The following EDRF1 variants were observed in gnomAD, a reference collection of about 807,000 sequenced individuals.
EDRF1 encodes erythroid differentiation regulatory factor 1, also known as erythroid differentiation-related factor 1.
Under a neutral mutation model 148.7 loss-of-function variants are expected in EDRF1, and 69 were observed. The observed-to-expected ratio is 0.46, with a 90% CI of 0.38 to 0.57. The LOEUF is 0.57. Ranked by LOEUF, EDRF1 falls within the 20% of genes least tolerant of loss-of-function variation. The pLI is 0.00. For missense variants in EDRF1, 1,118 were observed against 1,478.7 expected, an observed-to-expected ratio of 0.76 and a Z score of 4.00; for synonymous variants, 515 against 532.8, an observed-to-expected ratio of 0.97 and a Z score of 0.46.
At chr10:125,761,481 G>T (rs1850193081) in intron 24 of EDRF1, among the ~76,000 whole-genome samples, 1 of 152,242 alleles carries the variant, frequency 6.6e-6, no homozygotes, top group African/African-American at 2.4e-5. Context: ...GGAGCTCTCT[G>T]CTGCAGTGCT....
chr10:125,743,686 G>C (rs1156601716), intron 18 of EDRF1, among the ~76,000 whole-genome samples: 1 of 152,212 alleles, frequency 6.6e-6, no homozygotes, highest in East Asian at 1.9e-4. Context: ...CATTTATGGA[G>C]GTTATAAGTT....
intron 15 of EDRF1, 132 bp downstream of exon 15, chr10:125,738,577 A>G (rs1848852644): frequency 9.5e-7 from 1 of 1,051,936 alleles, no homozygotes; most frequent in Non-Finnish European, 1.4e-6. Flanking sequence ...AACTGGAATT[A>G]GGGGTAGTAT....
rs573086633 is a variant in EDRF1 at position 125,738,098 on chromosome 10, A to G, written c.1830+109A>G. On this transcript the variant is annotated intron_variant, in intron 14 of 24. Coordinates refer to ENST00000356792, the MANE Select transcript of EDRF1 (RefSeq NM_001202438.2). ...TTATTCTGAATTGTGTTCTGCTGCG[A>G]TTTTTTTTTCCTTAAGCATAAAGTG... 1.8e-5 allele frequency: 24 copies of G among 1,349,102 alleles called. No homozygotes were observed. In the East Asian group the frequency reaches 4.2e-4, roughly 23 times the overall value. The allele number at this position is 1,349,102 out of a possible 1,614,324, so 83.6% of individuals were successfully genotyped here. A position where few individuals can be genotyped will look rare whatever the true frequency, so the allele number is the denominator to read the frequency against.
intron 8 of EDRF1, among the ~76,000 whole-genome samples, chr10:125,729,756 T>C (rs1848415836): frequency 6.6e-6 from 1 of 152,242 alleles, no homozygotes; most frequent in African/African-American, 2.4e-5. Context: ...AAGGCAGGCC[T>C]ATAGCTGAGT....
chr10:125,729,561 G>T (rs989480084), intron 8 of EDRF1, 82 bp downstream of exon 8: 2 of 1,565,034 alleles, frequency 1.3e-6, no homozygotes, highest in Non-Finnish European at 1.8e-6. Flanking sequence ...GACTGAGGTT[G>T]CAGTGAGCCA....
At chr10:125,729,635 G>A (rs896944095) in intron 8 of EDRF1, among the ~76,000 whole-genome samples, 156 bp downstream of exon 8, 1 of 152,316 alleles carries the variant, frequency 6.6e-6, no homozygotes, top group East Asian at 1.9e-4. Context: ...AAGAATCAGT[G>A]TTCCATCTAT....
intron 18 of EDRF1, 75 bp from the exon 19 acceptor site, chr10:125,745,632 A>G: frequency 1.4e-6 from 2 of 1,480,768 alleles, no homozygotes; most frequent in Non-Finnish European, 1.9e-6. Flanking sequence ...TCCTCCTCTT[A>G]TCTCATCAAG....
At chr10:125,762,939 C>T (rs567781285) in intron 24 of EDRF1, among the ~76,000 whole-genome samples, 1 of 152,178 alleles carries the variant, frequency 6.6e-6, no homozygotes, top group Admixed American at 6.5e-5. Context: ...CTATGGTTTC[C>T]CCCAGTGCCT....
rs1849469682 is a variant in EDRF1 at position 125,748,289 on chromosome 10, G to A, written c.3123+277G>A. 2.8e-5 allele frequency: 14 copies of A among 493,406 alleles called. No individual in the cohort carries two copies. The South Asian group carries it at 2.8e-4, about 10-fold the overall frequency. The allele number at this position is 493,406 out of a possible 1,614,324, so 30.6% of individuals were successfully genotyped here. On this transcript the variant is annotated intron_variant, in intron 21 of 24. Coordinates refer to ENST00000356792, the MANE Select transcript of EDRF1 (RefSeq NM_001202438.2). ...AACATCGTGTTTTTGAGATACATCT[G>A]TGTTGGCACACGTAGCTGTTCATTT...
chr10:125,728,158 T>A (rs998678161), intron 6 of EDRF1, among the ~76,000 whole-genome samples: 1 of 148,936 alleles, frequency 6.7e-6, no homozygotes, highest in Non-Finnish European at 1.5e-5. Flanking sequence ...GCTGAGATCA[T>A]GTCACTGCAC....
intron 22 of EDRF1, chr10:125,750,316 C>T (rs1378576240): frequency 1.3e-5 from 2 of 152,216 alleles, no homozygotes; most frequent in African/African-American, 4.8e-5. Flanking sequence ...CAAGATAAGT[C>T]GGGAGATAGA....
chr10:125,739,613 C>T (rs1465925179), intron 15 of EDRF1, among the ~76,000 whole-genome samples: 3 of 152,140 alleles, frequency 2.0e-5, no homozygotes, highest in Admixed American at 6.5e-5. Context: ...GAAAAAAATC[C>T]ATACACACAT....
intron 18 of EDRF1, among the ~76,000 whole-genome samples, chr10:125,743,621 C>A (rs1017562004): frequency 4.6e-5 from 7 of 152,174 alleles, no homozygotes; most frequent in Non-Finnish European, 7.3e-5. Flanking sequence ...CACAAAGCCT[C>A]AAAATGCTGT....
intron 24 of EDRF1, 46 bp downstream of exon 24, chr10:125,753,891 C>G (rs1339497211): frequency 6.2e-7 from 1 of 1,602,970 alleles, no homozygotes; most frequent in Non-Finnish European, 8.5e-7. Context: ...TAGCACCCTA[C>G]CTATAAAAAT....
chr10:125,737,519 T>C (rs370537585), intron 13 of EDRF1, among the ~76,000 whole-genome samples: 5 of 152,242 alleles, frequency 3.3e-5, no homozygotes, highest in African/African-American at 1.2e-4. Context: ...CAGAAGCCCC[T>C]ACACATAATA....
intron 2 of EDRF1, among the ~76,000 whole-genome samples, chr10:125,721,722 A>G (rs1848015785): frequency 6.6e-6 from 1 of 152,250 alleles, no homozygotes; most frequent in African/African-American, 2.4e-5. Context: ...GGATATGTGA[A>G]TACAAAGGAT....
intron 13 of EDRF1, among the ~76,000 whole-genome samples, chr10:125,737,691 G>A (rs1163293641): frequency 6.6e-6 from 1 of 152,166 alleles, no homozygotes; most frequent in African/African-American, 2.4e-5. Flanking sequence ...TGACCTATTA[G>A]ATGATGTCTA....
At chr10:125,726,155 T>G (rs886087404) in intron 6 of EDRF1, among the ~76,000 whole-genome samples, 2 of 152,074 alleles carry the variant, frequency 1.3e-5, no homozygotes, top group African/African-American at 4.8e-5. Flanking sequence ...ATAGTATATT[T>G]TAATTATAAA....
chr10:125,742,399 C>T (rs77920264), intron 17 of EDRF1: 1 of 1,131,316 alleles, frequency 8.8e-7, no homozygotes, highest in African/African-American at 1.7e-5. Context: ...AATTGTTATA[C>T]TGAATATTAC....
Sources: gnomAD v4.1 joint callset for allele counts (sites outside exome capture counted in the v4.1 genomes callset) on GRCh38, gnomAD v4.1.1 for gene constraint, MANE v1.5 for transcripts, NCBI Gene and HGNC (gene_info 2026-07-23, HGNC 2026-07-21) for gene names.